Variants in NPSR1 observed in about 807,000 individuals in gnomAD.
NPSR1 encodes the protein neuropeptide S receptor 1.
A neutral mutation model predicts 46.9 loss-of-function variants in NPSR1; 48 were observed. The ratio of observed to expected loss-of-function variants is 1.02; its 90% CI spans 0.81 to 1.30. The LOEUF is 1.30. Ranked by LOEUF, NPSR1 falls within the 50% of genes most tolerant of loss-of-function variation. The pLI, the probability that NPSR1 is intolerant of heterozygous loss-of-function variation, is 0.00. For synonymous variants in NPSR1, 176 were observed against 168.1 expected (o/e 1.05, Z -0.36); for missense variants, 450 against 449.5 (o/e 1.00, Z -0.01).
At chr7:34,780,907 T>A (rs1475583280) in intron 3 of NPSR1, among the ~76,000 whole-genome samples, 2 of 152,154 alleles carry the variant, frequency 1.3e-5, no homozygotes, top group South Asian at 4.1e-4. Flanking sequence ...TTACAGGCAA[T>A]TGATTAACTT....
chr7:34,765,054 C>T (rs1208000177), intron 2 of NPSR1, among the ~76,000 whole-genome samples: 1 of 152,068 alleles, frequency 6.6e-6, no homozygotes. Flanking sequence ...ATAGAAAATC[C>T]AAAGAAAAAT....
At chr7:34,806,453 C>T (rs1273903068) in intron 3 of NPSR1, among the ~76,000 whole-genome samples, 3 of 152,072 alleles carry the variant, frequency 2.0e-5, no homozygotes, top group Non-Finnish European at 4.4e-5. Flanking sequence ...ATATTACATT[C>T]TCAAAAAGGC....
intron 1 of NPSR1, among the ~76,000 whole-genome samples, chr7:34,683,924 T>C (rs1411211188): frequency 6.6e-6 from 1 of 152,222 alleles, no homozygotes; most frequent in East Asian, 1.9e-4. Flanking sequence ...ACTTTAATAT[T>C]ACTGTCTTAT....
chr7:34,763,725 C>G (rs909263842), intron 2 of NPSR1, among the ~76,000 whole-genome samples: 1 of 152,098 alleles, frequency 6.6e-6, no homozygotes, highest in African/African-American at 2.4e-5. Flanking sequence ...AAAGAAATGG[C>G]ATGGCAGAGT....
intron 2 of NPSR1, among the ~76,000 whole-genome samples, chr7:34,689,849 G>T (rs994980196): frequency 6.6e-6 from 1 of 151,538 alleles, no homozygotes; most frequent in Non-Finnish European, 1.5e-5. Context: ...GGAGGCTGAG[G>T]TGGGAGAATT....
intron 1 of NPSR1, among the ~76,000 whole-genome samples, chr7:34,667,812 C>T (rs979028550): frequency 8.6e-5 from 13 of 151,938 alleles, no homozygotes; most frequent in South Asian, 2.1e-4. Context: ...GGACTTTGCA[C>T]GCTCAGTTTT....
At chr7:34,835,172 C>T (rs1389488787) in intron 6 of NPSR1, among the ~76,000 whole-genome samples, 1 of 152,212 alleles carries the variant, frequency 6.6e-6, no homozygotes, top group African/African-American at 2.4e-5. Context: ...TTTTCTGTTG[C>T]TATAATGTGA....
intron 2 of NPSR1, among the ~76,000 whole-genome samples, chr7:34,724,049 T>C (rs988448140): frequency 1.3e-5 from 2 of 152,218 alleles, no homozygotes; most frequent in East Asian, 1.9e-4. Context: ...AAATATGTTG[T>C]TATCAAGAAA....
intron 2 of NPSR1, among the ~76,000 whole-genome samples, chr7:34,778,130 C>T (rs1176073782): frequency 3.9e-5 from 6 of 152,112 alleles, no homozygotes; most frequent in Non-Finnish European, 7.4e-5. Flanking sequence ...TTGATTCTCA[C>T]ACAGTGCTTT....
At chr7:34,748,913 G>A (rs547986730) in intron 2 of NPSR1, among the ~76,000 whole-genome samples, 1 of 152,168 alleles carries the variant, frequency 6.6e-6, no homozygotes, top group Admixed American at 6.5e-5. Flanking sequence ...TGGAACTGAG[G>A]ATCTTTACTT....
chr7:34,722,027 A>C (rs1783882267), intron 2 of NPSR1, among the ~76,000 whole-genome samples: 1 of 152,100 alleles, frequency 6.6e-6, no homozygotes, highest in African/African-American at 2.4e-5. Flanking sequence ...ATTTTATTTT[A>C]TAGAGAAAAG....
intron 2 of NPSR1, among the ~76,000 whole-genome samples, chr7:34,724,973 C>T (rs865946055): frequency 3.3e-5 from 5 of 151,978 alleles, no homozygotes; most frequent in East Asian, 3.9e-4. Flanking sequence ...AGATGTTCAA[C>T]GGTAATAGAC....
intron 2 of NPSR1, among the ~76,000 whole-genome samples, chr7:34,722,830 G>C (rs1783930580): frequency 6.6e-6 from 1 of 152,320 alleles, no homozygotes; most frequent in Non-Finnish European, 1.5e-5. Flanking sequence ...TGAGCCACTA[G>C]AAGATCAGTC....
chr7:34,665,039 T>C (rs1232122974), intron 1 of NPSR1, among the ~76,000 whole-genome samples: 4 of 152,228 alleles, frequency 2.6e-5, no homozygotes, highest in Non-Finnish European at 5.9e-5. Context: ...GCATTCTTTT[T>C]CTTTGAGCAG....
At chr7:34,877,680 A>C (rs1217352101) in intron 8 of NPSR1, among the ~76,000 whole-genome samples, 1 of 152,192 alleles carries the variant, frequency 6.6e-6, no homozygotes, top group African/African-American at 2.4e-5. Context: ...ATGGAAGAAC[A>C]TGTTGGTGCC....
At position 34,864,867 on chromosome 7, in the gene NPSR1, C is replaced by T. The variant is rs541099979; in HGVS notation, c.1026-13209C>T. ...TTCCCCACTGTGGCATAAACAGCTA[C>T]TGTTCACCCATGCCTGTGTTTGTCC... On this transcript the variant is annotated intron_variant, in intron 8 of 8. Transcript: ENST00000359791. Among the ~76,000 whole-genome samples the T allele has an allele frequency of 5.3e-5, 8 of 152,016 alleles. 1 individual carries two copies. Among genetic ancestry groups the T allele is most frequent in the African/African-American group, 1.9e-4 (8 of 41,250 alleles).
At chr7:34,807,626 A>G (rs1340319435) in intron 3 of NPSR1, among the ~76,000 whole-genome samples, 2 of 152,142 alleles carry the variant, frequency 1.3e-5, no homozygotes, top group Non-Finnish European at 2.9e-5. Flanking sequence ...TAGATATCTA[A>G]GTGATGTGGT....
At chr7:34,867,947 C>T (rs1450893552) in intron 8 of NPSR1, among the ~76,000 whole-genome samples, 3 of 151,812 alleles carry the variant, frequency 2.0e-5, no homozygotes, top group Non-Finnish European at 4.4e-5. Flanking sequence ...AACTTTCAGT[C>T]TTTAAAATTT....
At chr7:34,806,846 C>T (rs751157074) in intron 3 of NPSR1, among the ~76,000 whole-genome samples, 4 of 152,046 alleles carry the variant, frequency 2.6e-5, no homozygotes, top group Non-Finnish European at 5.9e-5. Context: ...GTCCAGGGAT[C>T]CTCCTTTATA....
Sources: gnomAD v4.1 joint callset for allele counts (sites outside exome capture counted in the v4.1 genomes callset) on GRCh38, gnomAD v4.1.1 for gene constraint, MANE v1.5 for transcripts, NCBI Gene and HGNC (gene_info 2026-07-23, HGNC 2026-07-21) for gene names.